The following SLC2A1 variants were observed in gnomAD, a reference collection of about 807,000 sequenced individuals.
The protein encoded by SLC2A1 is solute carrier family 2, facilitated glucose transporter member 1.
A neutral mutation model predicts 46.6 loss-of-function variants in SLC2A1; 4 were observed. The observed-to-expected ratio is 0.09, with a 90% confidence interval of 0.04 to 0.20. The LOEUF (loss-of-function observed/expected upper bound fraction) is 0.20, where lower values mean the gene tolerates loss of function less well. SLC2A1 is among the 10% of genes least tolerant of loss of function. The pLI is 1.00. For synonymous variants in SLC2A1, 253 were observed against 270.0 expected, an observed-to-expected ratio of 0.94 and a Z score of 0.62; for missense variants, 352 against 667.0, an observed-to-expected ratio of 0.53 and a Z score of 5.20.
intron 2 of SLC2A1, among the ~76,000 whole-genome samples, chr1:42,936,341 G>GCCT (rs1173840274): frequency 2.0e-5 from 3 of 152,146 alleles, no homozygotes; most frequent in Admixed American, 2.0e-4. Context: ...CCTGTTCCTT[G>GCCT]CCTGCCCCTG....
rs151205345 is a variant in SLC2A1, at chr1:42,948,927, G to C, written c.19-5606C>G. On this transcript the variant is annotated intron_variant, in intron 1 of 9. Transcript: ENST00000426263. ...AAAATACAAAAAAAAAATTAGCCCG[G>C]CATGGTGGCGCATGCCTGTAGTCCC... Among the ~76,000 whole-genome samples, 511 of 152,272 alleles carry C rather than the reference G, an allele frequency of 3.4e-3. 5 individuals carry two copies. The highest frequency in any genetic ancestry group is 0.012 in the African/African-American group (488 of 41,564).
chr1:42,926,829 GA>G lies in SLC2A1; in HGVS notation c.*211del, dbSNP rs1643431641. 3.4e-6 allele frequency: 5 copies of G among 1,488,182 alleles called. No individual in the cohort carries two copies. The highest frequency in any genetic ancestry group is 4.4e-6 in the Non-Finnish European group (5 of 1,125,048). The allele number at this position is 1,488,182 out of a possible 1,614,324, so 92.2% of individuals were successfully genotyped here. A position where few individuals can be genotyped will look rare whatever the true frequency, so the allele number is the denominator to read the frequency against. On this transcript the variant is annotated 3_prime_UTR_variant, in exon 10 of 10. Transcript: ENST00000426263. The stretch of plus-strand genomic sequence containing the variant: ...AAATTATAAAACCTGTTGCTTGTCT[GA>G]ATAGATTTGAGCAACAGTCTTGCTT...
chr1:42,956,332 C>T (rs1448938038), intron 1 of SLC2A1, among the ~76,000 whole-genome samples: 7 of 145,980 alleles, frequency 4.8e-5, no homozygotes, highest in South Asian at 4.4e-4. Flanking sequence ...GAGGCCGAGG[C>T]GGGCAGATCA....
In SLC2A1 at chr1:42,927,549, C is replaced by T. The variant is rs1643439659; in HGVS notation, c.1278+56G>A. 2 of 1,503,032 alleles carry T rather than the reference C, an allele frequency of 1.3e-6. No homozygotes were observed. The highest frequency in any genetic ancestry group is 2.3e-5 in the South Asian group (2 of 87,558). The allele number at this position is 1,503,032 out of a possible 1,614,324, so 93.1% of individuals were successfully genotyped here. On this transcript the variant is annotated intron_variant, in intron 9 of 9. Coordinates refer to ENST00000426263, the MANE Select transcript of SLC2A1 (RefSeq NM_006516.4). The surrounding 1 kb of genome is among the most constrained non-coding windows in gnomAD (Gnocchi z 5.3). ...ATGAGAATGCTGGGCCAGCACTTTG[C>T]ACAGCACTGTGGGGTCATGCGTGCG...
intron 1 of SLC2A1, among the ~76,000 whole-genome samples, chr1:42,953,585 G>C (rs1196913899): frequency 1.3e-5 from 2 of 152,340 alleles, no homozygotes; most frequent in South Asian, 2.1e-4. Context: ...GTGGGGGAAG[G>C]GGTGAGGTTG....
chr1:42,950,328 T>C (rs1336989401), intron 1 of SLC2A1, among the ~76,000 whole-genome samples: 2 of 152,226 alleles, frequency 1.3e-5, no homozygotes, highest in African/African-American at 4.8e-5. Flanking sequence ...TCTGGCCCTT[T>C]AGAAAAAAGT....
rs745751575 is a variant in SLC2A1 at position 42,929,828 on chromosome 1, G to C, written c.679+45C>G. 6.2e-7 allele frequency: 1 copy of C among 1,614,126 alleles called. No homozygotes were observed. Among genetic ancestry groups the C allele is most frequent in the Admixed American group, 1.7e-5 (1 of 60,026 alleles). ...GAGGGTGGCTCAGAGTGGGAAGAAG[G>C]CCAGGGCTCAGGGAGTGGGGAGGAG... On this transcript the variant is annotated intron_variant, in intron 5 of 9. Coordinates refer to ENST00000426263, the MANE Select transcript of SLC2A1 (RefSeq NM_006516.4). The surrounding 1 kb of genome is among the most constrained non-coding windows in gnomAD (Gnocchi z 6.0).
Position 42,943,352 on chromosome 1 carries a change from C to A in SLC2A1, c.19-31G>T, listed in dbSNP as rs368983980. 1.8e-5 allele frequency: 27 copies of A among 1,538,156 alleles called. 1 individual carries two copies. In the South Asian group the frequency reaches 2.9e-4, roughly 17 times the overall value. ...GAGAAACAAACCACACTGTTATAGG[C>A]GTGTCTGGGAGCAGGTTACTACAGG... On this transcript the variant is annotated intron_variant, in intron 1 of 9. Coordinates refer to ENST00000426263, the MANE Select transcript of SLC2A1 (RefSeq NM_006516.4).
At chr1:42,947,718 A>C (rs192160848) in intron 1 of SLC2A1, among the ~76,000 whole-genome samples, 2 of 152,202 alleles carry the variant, frequency 1.3e-5, no homozygotes, top group Non-Finnish European at 2.9e-5. Flanking sequence ...TGAGATAAAA[A>C]AAAGGAATGG....
At chr1:42,953,902 G>T (rs1003133176) in intron 1 of SLC2A1, among the ~76,000 whole-genome samples, 9 of 152,186 alleles carry the variant, frequency 5.9e-5, no homozygotes, top group Admixed American at 5.9e-4. Context: ...GCCTTACAAA[G>T]GGTCTTTCCA....
intron 2 of SLC2A1, among the ~76,000 whole-genome samples, chr1:42,934,103 A>C (rs1167811109): frequency 6.6e-6 from 1 of 152,220 alleles, no homozygotes; most frequent in Non-Finnish European, 1.5e-5. Context: ...GAAACTACCT[A>C]AATAAGCTTG....
chr1:42,937,979 G>GGAGTGTTGTTTGTCAAACAAC (rs1643559077), intron 2 of SLC2A1, among the ~76,000 whole-genome samples: 1 of 152,198 alleles, frequency 6.6e-6, no homozygotes, highest in Non-Finnish European at 1.5e-5. Flanking sequence ...TGTCAAACAA[G>GGAGTGTTGTTTGTCAAACAAC]GAGTGTTGTT....
intron 2 of SLC2A1, among the ~76,000 whole-genome samples, chr1:42,939,463 A>G (rs1643574457): frequency 6.6e-6 from 1 of 152,232 alleles, no homozygotes; most frequent in Admixed American, 6.5e-5. Flanking sequence ...ACAGGTGACC[A>G]TACATGGTCC....
chr1:42,956,016 G>C (rs547966881), intron 1 of SLC2A1, among the ~76,000 whole-genome samples: 1 of 152,278 alleles, frequency 6.6e-6, no homozygotes, highest in East Asian at 1.9e-4. Context: ...GATCTTGTGT[G>C]AAAGGCAAGC....
At position 42,929,264 on chromosome 1, in the gene SLC2A1, A is replaced by G. The variant is rs760361016; in HGVS notation, c.918T>C (p.Pro306=). The part of the protein sequence containing the change: ...SIFEKAGVQQ[P]VYATIGSGIV... Reference sequence around the variant, plus strand: ...TACCGGAGCCAATGGTGGCATACACAGGCTGCTGCACCCCCGCCTTCTCGA... The same window carrying G: ...TACCGGAGCCAATGGTGGCATACACGGGCTGCTGCACCCCCGCCTTCTCGA... The change falls in exon 7 of 10, where the codon CCT becomes CCC. Residue 306 remains proline (P), a synonymous_variant. Coordinates refer to ENST00000426263, the MANE Select transcript of SLC2A1 (RefSeq NM_006516.4). This position sits in a 1 kb window ranked among gnomAD's most constrained non-coding sequence, Gnocchi z 6.0. 1.2e-6 allele frequency: 2 copies of G among 1,614,090 alleles called. No individual in the cohort carries two copies. The highest frequency in any genetic ancestry group is 2.2e-5 in the East Asian group (1 of 44,876).
Position 42,930,256 on chromosome 1 carries a change from G to A in SLC2A1, c.517-221C>T. The A allele has an allele frequency of 6.3e-6, 4 of 637,184 alleles. No homozygotes were observed. The highest frequency in any genetic ancestry group is 1.1e-5 in the Non-Finnish European group (4 of 357,148). The allele number at this position is 637,184 out of a possible 1,614,324, so 39.5% of individuals were successfully genotyped here. A position where few individuals can be genotyped will look rare whatever the true frequency, so the allele number is the denominator to read the frequency against. On this transcript the variant is annotated intron_variant, in intron 4 of 9. Coordinates refer to ENST00000426263, the MANE Select transcript of SLC2A1 (RefSeq NM_006516.4). The surrounding 1 kb of genome is among the most constrained non-coding windows in gnomAD (Gnocchi z 6.2). ...GTGTTGCTGGGAGGACAAATGACAA[G>A]GCCACAGATGTGTCCAGCACAGAGA...
intron 1 of SLC2A1, among the ~76,000 whole-genome samples, chr1:42,945,217 T>TA (rs979942743): frequency 1.3e-5 from 2 of 152,054 alleles, no homozygotes; most frequent in Non-Finnish European, 2.9e-5. Context: ...TAGAATAGAT[T>TA]AAAAAACAAG....
chr1:42,939,417 C>T (rs1643574029), intron 2 of SLC2A1, among the ~76,000 whole-genome samples: 2 of 152,346 alleles, frequency 1.3e-5, no homozygotes, highest in South Asian at 2.1e-4. Flanking sequence ...TCTCCAGCTT[C>T]GGTCTGCTGG....
chr1:42,953,602 C>G (rs1029841954), intron 1 of SLC2A1, among the ~76,000 whole-genome samples: 3 of 152,230 alleles, frequency 2.0e-5, no homozygotes, highest in Non-Finnish European at 4.4e-5. Context: ...GTTGCAGGCC[C>G]CAAGCCAACA....
Sources: allele counts gnomAD v4.1 joint callset (sites outside exome capture counted in the v4.1 genomes callset), GRCh38; gene constraint gnomAD v4.1.1; non-coding constraint Gnocchi (gnomAD v3.1); transcripts MANE v1.5; gene names NCBI Gene and HGNC (gene_info 2026-07-23, HGNC 2026-07-21).